PCDH15: variants seen among roughly 807,000 people sequenced by gnomAD.
PCDH15 encodes the protein protocadherin related 15, also known as protocadherin-15.
PCDH15 carries 129 observed loss-of-function variants against 178.5 expected under a neutral mutation model. That is an observed-to-expected ratio of 0.72 (90% CI 0.63 to 0.84). PCDH15 has a LOEUF of 0.84. Among genes scored for constraint, PCDH15 ranks in the 40% least tolerant of loss-of-function variants. The pLI is 0.00. For missense variants in PCDH15, 2,230 were observed against 2,099.9 expected, an observed-to-expected ratio of 1.06 and a Z score of -1.21; for synonymous variants, 800 against 732.0, an observed-to-expected ratio of 1.09 and a Z score of -1.50.
chr10:55,244,591 A>G (rs1841639367), intron 1 of PCDH15, among the ~76,000 whole-genome samples: 1 of 151,924 alleles, frequency 6.6e-6, no homozygotes, highest in East Asian at 1.9e-4. Context: ...ACACACACAC[A>G]CAAACACACT....
At chr10:54,232,082 T>G (rs148480364) in intron 9 of PCDH15, among the ~76,000 whole-genome samples, 85 of 152,302 alleles carry the variant, frequency 5.6e-4, no homozygotes, top group Non-Finnish European at 8.2e-4. Flanking sequence ...TTTCATGATA[T>G]GGTTTGGATT....
intron 2 of PCDH15, among the ~76,000 whole-genome samples, chr10:54,549,656 CTTTGG>C (rs2086313849): frequency 6.6e-6 from 1 of 151,158 alleles, no homozygotes; most frequent in African/African-American, 2.4e-5. Context: ...AAACCTATAC[CTTTGG>C]TATAGGTTTT....
chr10:54,956,171 A>G (rs899978114), intron 2 of PCDH15, among the ~76,000 whole-genome samples: 13 of 151,544 alleles, frequency 8.6e-5, no homozygotes, highest in Middle Eastern at 3.4e-3. Flanking sequence ...AACAAGTATC[A>G]TTCTATTCTC....
intron 2 of PCDH15, among the ~76,000 whole-genome samples, chr10:54,982,733 C>G (rs998980287): frequency 6.6e-6 from 1 of 152,090 alleles, no homozygotes; most frequent in Non-Finnish European, 1.5e-5. Flanking sequence ...CAGCAACAAC[C>G]TAGTATTAAC....
At chr10:55,449,658 G>T (rs1390912825) in intron 2 of PCDH15, among the ~76,000 whole-genome samples, 1 of 152,106 alleles carries the variant, frequency 6.6e-6, no homozygotes, top group Non-Finnish European at 1.5e-5. Flanking sequence ...AAATTGTATA[G>T]ATTTTTATAT....
intron 2 of PCDH15, chr10:54,599,626 G>T (rs1222349880): frequency 3.0e-6 from 1 of 331,490 alleles, no homozygotes; most frequent in South Asian, 2.9e-5. Context: ...TATGCCAAAA[G>T]CAATCACAGC....
At position 55,446,564 on chromosome 10, in the gene PCDH15, G is replaced by A. The variant is rs143214049; in HGVS notation, c.-156+181061C>T. On this transcript the variant is annotated intron_variant, in intron 2 of 5. Coordinates refer to the PCDH15 transcript ENST00000613346. Reference sequence around the variant, plus strand: ...ATCCAATGAAAAAGAGTTCTAGCATGTGGTGGATTGCATTATTGGTCTCAA... The same window carrying A: ...ATCCAATGAAAAAGAGTTCTAGCATATGGTGGATTGCATTATTGGTCTCAA... Among the ~76,000 whole-genome samples the A allele has an allele frequency of 2.5e-3, 381 of 152,186 alleles. 5 individuals are homozygous for A. Among genetic ancestry groups the A allele is most frequent in the Admixed American group, 0.016 (244 of 15,244 alleles).
At chr10:53,851,722 A>T (rs1027031384) in intron 28 of PCDH15, among the ~76,000 whole-genome samples, 21 of 108,998 alleles carry the variant, frequency 1.9e-4, no homozygotes, top group Non-Finnish European at 3.5e-4. Context: ...ATATATATAT[A>T]TTTACACACA....
chr10:54,753,436 G>A (rs1242290124), intron 1 of PCDH15, among the ~76,000 whole-genome samples: 1 of 151,970 alleles, frequency 6.6e-6, no homozygotes, highest in African/African-American at 2.4e-5. Flanking sequence ...TGTCCACCTC[G>A]GCCTCTAAAG....
intron 3 of PCDH15, among the ~76,000 whole-genome samples, chr10:54,813,815 G>A (rs748941703): frequency 1.1e-4 from 17 of 152,142 alleles, no homozygotes; most frequent in Admixed American, 2.0e-4. Flanking sequence ...ACTGTTTTCT[G>A]AAATTTGTTT....
chr10:54,329,012 T>C lies in PCDH15; in HGVS notation c.705+584A>G, dbSNP rs73248003. Among the ~76,000 whole-genome samples the C allele has an allele frequency of 3.1e-3, 477 of 152,126 alleles. 4 individuals are homozygous for C. The highest frequency in any genetic ancestry group is 0.011 in the African/African-American group (454 of 41,564). On this transcript the variant is annotated intron_variant, in intron 7 of 37. Coordinates refer to ENST00000644397, the MANE Select transcript of PCDH15 (RefSeq NM_001384140.1). ...AAGTATATAAACCATGTCTGTGTTT[T>C]ACAAGCATATGTTTGGATGTCCTGT... is the stretch of plus-strand genomic sequence containing the variant.
intron 1 of PCDH15, among the ~76,000 whole-genome samples, chr10:54,697,179 A>T (rs7098393): frequency 0.59 from 89,862 of 151,376 alleles, 27,286 homozygotes; most frequent in Non-Finnish European, 0.67. Context: ...TAGATAAAAA[A>T]TAGTAACAAA....
intron 2 of PCDH15, among the ~76,000 whole-genome samples, chr10:54,608,318 G>GA (rs2092837387): frequency 6.7e-6 from 1 of 150,116 alleles, no homozygotes; most frequent in Admixed American, 6.6e-5. Flanking sequence ...AAAAAAAAAA[G>GA]AAAAAATAGC....
intron 8 of PCDH15, among the ~76,000 whole-genome samples, chr10:54,297,457 C>T (rs2059875123): frequency 6.6e-6 from 1 of 152,084 alleles, no homozygotes; most frequent in Non-Finnish European, 1.5e-5. Flanking sequence ...ACCTTATGTC[C>T]AAGCTTTCTT....
At chr10:54,286,266 G>T (rs1166418686) in intron 8 of PCDH15, among the ~76,000 whole-genome samples, 1 of 152,248 alleles carries the variant, frequency 6.6e-6, no homozygotes, top group African/African-American at 2.4e-5. Flanking sequence ...ACCCTGAAAA[G>T]ATTATTACAT....
intron 2 of PCDH15, among the ~76,000 whole-genome samples, chr10:54,604,255 TG>T (rs1247156812): frequency 1.4e-4 from 22 of 152,016 alleles, no homozygotes. Flanking sequence ...AATCTTCTGT[TG>T]TTGGGTAAAA....
chr10:55,079,086 T>G (rs988041509), intron 2 of PCDH15, among the ~76,000 whole-genome samples: 1 of 152,212 alleles, frequency 6.6e-6, no homozygotes, highest in Non-Finnish European at 1.5e-5. Context: ...TCCTTTTTTA[T>G]TCTGGGATTT....
At chr10:54,758,553 A>G (rs1269822701) in intron 1 of PCDH15, among the ~76,000 whole-genome samples, 1 of 152,232 alleles carries the variant, frequency 6.6e-6, no homozygotes, top group African/African-American at 2.4e-5. Context: ...CACAATATGT[A>G]TATAATTTTG....
At chr10:55,467,102 G>A (rs1308006517) in intron 2 of PCDH15, among the ~76,000 whole-genome samples, 1 of 152,170 alleles carries the variant, frequency 6.6e-6, no homozygotes, top group Non-Finnish European at 1.5e-5. Context: ...CTCAAGGAGA[G>A]TTCCTCAATT....
Sources: allele counts gnomAD v4.1 joint callset (sites outside exome capture counted in the v4.1 genomes callset), GRCh38; gene constraint gnomAD v4.1.1; transcripts MANE v1.5; gene names NCBI Gene and HGNC (gene_info 2026-07-23, HGNC 2026-07-21).